The following SLCO1A2 variants were observed in gnomAD, a reference collection of about 807,000 sequenced individuals.
The protein encoded by SLCO1A2 is solute carrier organic anion transporter family member 1A2, also known as OATP-1.
A neutral mutation model predicts 69.0 loss-of-function variants in SLCO1A2; 67 were observed. The ratio of observed to expected loss-of-function variants is 0.97; its 90% CI spans 0.80 to 1.19. SLCO1A2 has a LOEUF of 1.19. SLCO1A2 is among the 50% of genes most tolerant of loss of function. SLCO1A2 has a pLI of 0.00. For missense variants in SLCO1A2, 787 were observed against 793.7 expected (o/e 0.99, Z 0.10); for synonymous variants, 260 against 265.9 (o/e 0.98, Z 0.22).
chr12:21,282,370 A>G (rs899757207), intron 12 of SLCO1A2, among the ~76,000 whole-genome samples: 1 of 151,642 alleles, frequency 6.6e-6, no homozygotes, highest in Admixed American at 6.6e-5. Context: ...AAAACATTTG[A>G]TAAGATTCAG....
At chr12:21,361,362 T>A (rs927043941) in intron 2 of SLCO1A2, among the ~76,000 whole-genome samples, 5 of 152,100 alleles carry the variant, frequency 3.3e-5, no homozygotes, top group African/African-American at 1.2e-4. Context: ...AGAAAGGACA[T>A]CCACACCAAA....
At chr12:21,417,431 C>T (rs1345145359) in intron 1 of SLCO1A2, among the ~76,000 whole-genome samples, 2 of 145,676 alleles carry the variant, frequency 1.4e-5, no homozygotes, top group Non-Finnish European at 3.0e-5. Flanking sequence ...TTTTAAATTA[C>T]ATATTTCATA....
rs1943447924 is a variant in SLCO1A2 at position 21,274,548 on chromosome 12, C to A, written c.1714G>T (p.Asp572Tyr). 6.2e-7 allele frequency: 1 copy of A among 1,613,650 alleles called. No individual in the cohort carries two copies. The highest frequency in any genetic ancestry group is 8.5e-7 in the Non-Finnish European group (1 of 1,179,698). ...PAPIYFGALM[D>Y]STCLHWGTLK... The stretch of plus-strand genomic sequence containing the variant: ...GTTCCCCAGTGTAAACATGTGGAAT[C>A]CATTAAAGCGCCAAAATATATAGGT... Residue 572 changes from aspartate (D) to tyrosine (Y), a missense_variant, in exon 14 of 15, where the codon GAT becomes TAT. Physicochemically the swap from Asp to Tyr is radical, Grantham distance 160. Coordinates refer to ENST00000683939, the MANE Select transcript of SLCO1A2 (RefSeq NM_001386879.1).
chr12:21,395,141 A>C (rs10841804), exon 1 of SLCO1A2: 1 of 155,224 alleles, frequency 6.4e-6, no homozygotes, highest in Non-Finnish European at 1.4e-5. Context: ...AGTGCCAGAC[A>C]ATGGGCGCAG....
At chr12:21,335,708 T>TA (rs1952860812), upstream of SLCO1A2, among the ~76,000 whole-genome samples, 1 of 152,128 alleles carries the variant, frequency 6.6e-6, no homozygotes, top group South Asian at 2.1e-4. Context: ...GCTTTACCTC[T>TA]ACAAATGTGC....
chr12:21,365,259 T>G (rs1216046756), intron 2 of SLCO1A2, among the ~76,000 whole-genome samples: 2 of 152,152 alleles, frequency 1.3e-5, no homozygotes, highest in Admixed American at 6.5e-5. Context: ...TACAACCATC[T>G]GATCTTTGAC....
intron 12 of SLCO1A2, among the ~76,000 whole-genome samples, chr12:21,276,556 C>CA (rs1207227203): frequency 2.8e-5 from 4 of 145,118 alleles, no homozygotes; most frequent in African/African-American, 5.4e-5. Context: ...AAAAAAAAAC[C>CA]AAAAAAAACC....
At chr12:21,301,913 G>C (rs1948758940) in intron 6 of SLCO1A2, among the ~76,000 whole-genome samples, 1 of 152,046 alleles carries the variant, frequency 6.6e-6, no homozygotes, top group East Asian at 1.9e-4. Flanking sequence ...AACCCTCCCT[G>C]ATCTCTGAAA....
At chr12:21,418,746 C>T (rs1269182189), upstream of SLCO1A2, among the ~76,000 whole-genome samples, 2 of 152,066 alleles carry the variant, frequency 1.3e-5, no homozygotes, top group Non-Finnish European at 2.9e-5. Flanking sequence ...GATGCAGACA[C>T]AGCCAAACCA....
At chr12:21,275,230 A>T (rs1049690632) in intron 13 of SLCO1A2, 130 bp downstream of exon 13, 2 of 886,282 alleles carry the variant, frequency 2.3e-6, no homozygotes, top group South Asian at 2.3e-5. Context: ...CAGCACACCA[A>T]CATGGCACAT....
At chr12:21,306,577 T>C (rs151134208) in intron 5 of SLCO1A2, among the ~76,000 whole-genome samples, 1,797 of 152,296 alleles carry the variant, frequency 0.012, 29 homozygotes, top group African/African-American at 0.041. Flanking sequence ...TCCATCCGTC[T>C]CAGCCTCCCA....
At chr12:21,404,174 G>C (rs910387450) in intron 1 of SLCO1A2, among the ~76,000 whole-genome samples, 1 of 152,128 alleles carries the variant, frequency 6.6e-6, no homozygotes, top group African/African-American at 2.4e-5. Flanking sequence ...AAAGTAATTA[G>C]GTGGTCATAT....
At chr12:21,395,789 C>G (rs1941428767), upstream of SLCO1A2, among the ~76,000 whole-genome samples, 1 of 152,118 alleles carries the variant, frequency 6.6e-6, no homozygotes, top group Non-Finnish European at 1.5e-5. Flanking sequence ...GCAGGGTACT[C>G]CAACAGACCT....
intron 2 of SLCO1A2, among the ~76,000 whole-genome samples, chr12:21,366,654 G>GA (rs1263233785): frequency 1.3e-5 from 2 of 151,970 alleles, no homozygotes; most frequent in African/African-American, 4.8e-5. Flanking sequence ...AAAGAAACCA[G>GA]AAAAGAGAAA....
At chr12:21,404,958 G>A (rs1941798291) in intron 1 of SLCO1A2, among the ~76,000 whole-genome samples, 1 of 152,022 alleles carries the variant, frequency 6.6e-6, no homozygotes, top group East Asian at 1.9e-4. Context: ...ATCTCAATGT[G>A]GTTTTGATTT....
intron 2 of SLCO1A2, among the ~76,000 whole-genome samples, chr12:21,323,634 C>T (rs1951918512): frequency 6.6e-6 from 1 of 152,136 alleles, no homozygotes. Flanking sequence ...CTGCACAGCT[C>T]ATAACTGGGA....
Position 21,284,208 on chromosome 12 carries a change from C to A in SLCO1A2, c.1610+7956G>T, listed in dbSNP as rs143274594. The stretch of plus-strand genomic sequence containing the variant: ...ATGAATGGATAAAGAAAATGTGGTA[C>A]ATATACAGGATGGAGTAATATTCAG... On this transcript the variant is annotated intron_variant, in intron 12 of 14. Transcript: ENST00000683939. 5.9e-4 allele frequency among the ~76,000 whole-genome samples: 89 copies of A among 152,136 alleles called. 1 individual carries two copies. The East Asian group carries it at 0.015, about 26-fold the overall frequency.
chr12:21,360,537 C>T (rs925366926), intron 2 of SLCO1A2, among the ~76,000 whole-genome samples: 2 of 152,220 alleles, frequency 1.3e-5, no homozygotes, highest in African/African-American at 4.8e-5. Flanking sequence ...CCAGGTTCAT[C>T]TCACTGGGGC....
At chr12:21,381,596 G>A (rs1940590916) in intron 1 of SLCO1A2, among the ~76,000 whole-genome samples, 1 of 152,142 alleles carries the variant, frequency 6.6e-6, no homozygotes, top group African/African-American at 2.4e-5. Context: ...AGGAGATGGA[G>A]ACCATTCCGG....
Sources: gnomAD v4.1 joint callset for allele counts (sites outside exome capture counted in the v4.1 genomes callset) on GRCh38, gnomAD v4.1.1 for gene constraint, MANE v1.5 for transcripts, NCBI Gene and HGNC (gene_info 2026-07-23, HGNC 2026-07-21) for gene names.